The following SYNE1 variants were observed in gnomAD, a reference collection of about 807,000 sequenced individuals.
SYNE1 encodes the protein spectrin repeat containing nuclear envelope protein 1.
A neutral mutation model predicts 1,111.0 loss-of-function variants in SYNE1; 616 were observed. That is an observed-to-expected ratio of 0.55 (90% confidence interval 0.52 to 0.59). The LOEUF is 0.59. Among genes scored for constraint, SYNE1 ranks in the 20% least tolerant of loss-of-function variants. SYNE1 has a pLI of 0.00. For missense variants in SYNE1, 10,006 were observed against 10,417.0 expected (o/e 0.96, Z 1.72); for synonymous variants, 3,855 against 3,825.8 (o/e 1.01, Z -0.28).
At chr6:152,558,506 C>A (rs1450498702) in intron 3 of SYNE1, among the ~76,000 whole-genome samples, 5 of 152,074 alleles carry the variant, frequency 3.3e-5, no homozygotes, top group African/African-American at 4.8e-5. Flanking sequence ...TAAGAAATTC[C>A]ATGTAAATGG....
intron 93 of SYNE1, 100 bp from the exon 94 acceptor site, chr6:152,294,227 T>C (rs2094755369): frequency 5.6e-6 from 7 of 1,250,528 alleles, no homozygotes; most frequent in South Asian, 1.3e-5. Flanking sequence ...GTTTCAGATC[T>C]ACACCTTTCA....
chr6:152,201,538 C>T (rs1460599020), intron 127 of SYNE1, among the ~76,000 whole-genome samples: 1 of 150,032 alleles, frequency 6.7e-6, no homozygotes, highest in African/African-American at 2.5e-5. Context: ...AGTGTGGATG[C>T]TTCAAAAAAA....
At chr6:152,245,466 G>A (rs1184939292) in intron 105 of SYNE1, among the ~76,000 whole-genome samples, 1 of 152,202 alleles carries the variant, frequency 6.6e-6, no homozygotes, top group African/African-American at 2.4e-5. Context: ...GACTCCAGAT[G>A]GCAGCTGAAA....
At chr6:152,255,202 C>A (rs1363376153) in intron 103 of SYNE1, 113 bp from the exon 104 acceptor site, 2 of 957,206 alleles carry the variant, frequency 2.1e-6, no homozygotes, top group African/African-American at 3.3e-5. Context: ...TAGTAATAAT[C>A]AGACCTAAGA....
intron 78 of SYNE1, among the ~76,000 whole-genome samples, chr6:152,328,712 CTCT>C (rs2096159904): frequency 6.6e-6 from 1 of 152,036 alleles, no homozygotes; most frequent in Non-Finnish European, 1.5e-5. Context: ...GCGCCCAGCC[CTCT>C]TCTTATTTTT....
In SYNE1 at chr6:152,151,577, A is replaced by C; in HGVS notation, c.24426T>G (p.Val8142=). ...CCTTGAGTTGCTTTATTTTAGCTTG[A>C]ACATCACACTCAGAAAAATGTTCAA... ...TNIEHFSECD[V]QAKIKQLKAF... Residue 8142 remains valine (V), a synonymous_variant, in exon 135 of 146, where the codon GTT becomes GTG. Transcript: ENST00000367255. 6.2e-7 allele frequency: 1 copy of C among 1,614,116 alleles called. No individual in the cohort carries two copies. Among genetic ancestry groups the C allele is most frequent in the Non-Finnish European group, 8.5e-7 (1 of 1,180,012 alleles).
chr6:152,456,068 A>G (rs905521312), intron 22 of SYNE1, 24 bp from the exon 23 acceptor site: 46 of 1,608,388 alleles, frequency 2.9e-5, no homozygotes, highest in Non-Finnish European at 3.9e-5. Flanking sequence ...AAACCCCACA[A>G]CAATGTTATT....
intron 75 of SYNE1, among the ~76,000 whole-genome samples, chr6:152,339,001 T>A (rs187843101): frequency 1.9e-4 from 29 of 152,328 alleles, no homozygotes; most frequent in Admixed American, 5.2e-4. Flanking sequence ...AAGGTTCTAA[T>A]GGGCAGCGAA....
chr6:152,387,596 T>C (rs958390488), intron 53 of SYNE1, among the ~76,000 whole-genome samples: 3 of 152,318 alleles, frequency 2.0e-5, no homozygotes. Flanking sequence ...TATTAAAACA[T>C]GAAATAAGAA....
At chr6:152,227,391 G>A (rs896055548) in intron 115 of SYNE1, among the ~76,000 whole-genome samples, 42 of 152,260 alleles carry the variant, frequency 2.8e-4, no homozygotes, top group African/African-American at 8.9e-4. Context: ...GAATTATCAT[G>A]AAGCTATTTT....
intron 42 of SYNE1, among the ~76,000 whole-genome samples, 174 bp downstream of exon 42, chr6:152,413,178 T>G (rs1416825708): frequency 6.6e-6 from 1 of 152,116 alleles, no homozygotes; most frequent in Non-Finnish European, 1.5e-5. Flanking sequence ...AGCAACCTTC[T>G]CAATAAAGTT....
At chr6:152,280,506 C>T (rs1473511426) in intron 97 of SYNE1, among the ~76,000 whole-genome samples, 1 of 151,956 alleles carries the variant, frequency 6.6e-6, no homozygotes. Context: ...AATTCTTCTT[C>T]TTCCAATGTG....
At chr6:152,226,553 C>G (rs2081613403) in intron 115 of SYNE1, among the ~76,000 whole-genome samples, 1 of 152,150 alleles carries the variant, frequency 6.6e-6, no homozygotes, top group Non-Finnish European at 1.5e-5. Context: ...ATAAAATGTT[C>G]AAGAATGAAA....
intron 3 of SYNE1, among the ~76,000 whole-genome samples, chr6:152,584,073 C>T (rs1180807862): frequency 6.6e-6 from 1 of 152,194 alleles, no homozygotes; most frequent in Non-Finnish European, 1.5e-5. Flanking sequence ...CTGGCACTGG[C>T]ACTCCCTAGC....
At chr6:152,501,578 A>G (rs1378646592) in intron 10 of SYNE1, among the ~76,000 whole-genome samples, 3 of 152,100 alleles carry the variant, frequency 2.0e-5, no homozygotes, top group Non-Finnish European at 4.4e-5. Flanking sequence ...TACTAGAAAC[A>G]GAAAACAATA....
At chr6:152,224,764 C>G in intron 116 of SYNE1, 100 bp from the exon 117 acceptor site, 1 of 1,203,162 alleles carries the variant, frequency 8.3e-7, no homozygotes, top group Non-Finnish European at 1.2e-6. Context: ...AGAACTTCAT[C>G]AGGGTTTCAG....
chr6:152,302,234 G>T lies in SYNE1; in HGVS notation c.17347-171C>A, dbSNP rs1018751091. The T allele has an allele frequency of 7.2e-5, 62 of 866,588 alleles. No individual in the cohort carries two copies. In the Admixed American group the frequency reaches 1.2e-3, roughly 17 times the overall value. The allele number at this position is 866,588 out of a possible 1,614,324, so 53.7% of individuals were successfully genotyped here. On this transcript the variant is annotated intron_variant, in intron 91 of 145. Coordinates refer to ENST00000367255, the MANE Select transcript of SYNE1 (RefSeq NM_182961.4). ...CTGCATCTCGCTACCGAGCCAGACC[G>T]CAGGCTGCGCGGCGCGGCGCAGGCA...
chr6:152,463,227 T>C lies in SYNE1; in HGVS notation c.2097+126A>G, dbSNP rs1360823981. The C allele has an allele frequency of 3.0e-6, 4 of 1,354,630 alleles. No individual in the cohort carries two copies. The African/African-American group carries it at 4.3e-5, about 15-fold the overall frequency. 83.9% of individuals were successfully genotyped at this position (1,354,630 alleles called of 1,614,324 possible). On this transcript the variant is annotated intron_variant, in intron 19 of 145. Transcript: ENST00000367255. ...AAGAACCAACCATAAAACACACCGG[T>C]TTTAAACATATCTATGCTTTGCCTT... is the stretch of plus-strand genomic sequence containing the variant.
intron 93 of SYNE1, among the ~76,000 whole-genome samples, chr6:152,298,957 T>C (rs1012930532): frequency 1.8e-4 from 27 of 152,200 alleles, no homozygotes; most frequent in African/African-American, 6.0e-4. Context: ...AGATTAACAA[T>C]GCAATTTAAT....
Sources: allele counts gnomAD v4.1 joint callset (sites outside exome capture counted in the v4.1 genomes callset), GRCh38; gene constraint gnomAD v4.1.1; transcripts MANE v1.5; gene names NCBI Gene and HGNC (gene_info 2026-07-23, HGNC 2026-07-21).